Variants in GRIA4 observed in about 807,000 individuals in gnomAD.
GRIA4 encodes glutamate receptor 4.
A neutral mutation model predicts 104.0 loss-of-function variants in GRIA4; 34 were observed. The observed-to-expected ratio is 0.33, with a 90% CI of 0.25 to 0.44. The LOEUF (loss-of-function observed/expected upper bound fraction) is 0.44. Among genes scored for constraint, GRIA4 ranks in the 20% least tolerant of loss-of-function variants. GRIA4 has a pLI of 1.00. For missense variants in GRIA4, 750 were observed against 1,096.5 expected (o/e 0.68, Z 4.46); for synonymous variants, 386 against 381.9 (o/e 1.01, Z -0.13).
chr11:105,655,075 C>A (rs144821490), intron 3 of GRIA4, among the ~76,000 whole-genome samples: 2,377 of 152,200 alleles, frequency 0.016, 54 homozygotes, highest in African/African-American at 0.053. Flanking sequence ...GTGACTAAGG[C>A]AATATCCACA....
chr11:105,838,806 C>T (rs1944285032), intron 4 of GRIA4, among the ~76,000 whole-genome samples: 1 of 152,156 alleles, frequency 6.6e-6, no homozygotes, highest in African/African-American at 2.4e-5. Context: ...TGCTACCTCG[C>T]AAGTCAACTC....
intron 3 of GRIA4, among the ~76,000 whole-genome samples, chr11:105,677,510 A>T (rs898991805): frequency 2.0e-5 from 3 of 151,942 alleles, no homozygotes; most frequent in African/African-American, 7.2e-5. Context: ...GAAGGAATCT[A>T]TAAATTCAAA....
intron 3 of GRIA4, among the ~76,000 whole-genome samples, chr11:105,701,997 C>T (rs60472221): frequency 0.33 from 50,589 of 151,918 alleles, 9,609 homozygotes; most frequent in Non-Finnish European, 0.42. Flanking sequence ...TGCAGCGTTG[C>T]AATCATAGCT....
rs1262557053 is a variant in GRIA4 at position 105,933,706 on chromosome 11, T to C, written c.2047-16T>C. On this transcript the variant is annotated splice_polypyrimidine_tract_variant and intron_variant, in intron 13 of 16. Transcript: ENST00000282499. ...CCCTTCTTTCCTGTATTTAATTTTA[T>C]TTTAATTTCCTCCAGAGATCAAAAA... 10 of 1,521,624 alleles carry C rather than the reference T, an allele frequency of 6.6e-6. No individual in the cohort carries two copies. Among genetic ancestry groups the C allele is most frequent in the Admixed American group, 2.0e-5 (1 of 49,180 alleles). The allele number at this position is 1,521,624 out of a possible 1,614,324, so 94.3% of individuals were successfully genotyped here. A position where few individuals can be genotyped will look rare whatever the true frequency, so the allele number is the denominator to read the frequency against.
chr11:105,727,735 GA>G (rs1297069805), intron 3 of GRIA4, among the ~76,000 whole-genome samples: 1 of 152,070 alleles, frequency 6.6e-6, no homozygotes, highest in African/African-American at 2.4e-5. Context: ...CATTCCTAAA[GA>G]AAAAAATTTT....
intron 3 of GRIA4, among the ~76,000 whole-genome samples, chr11:105,653,658 G>A (rs745471713): frequency 6.6e-6 from 1 of 152,154 alleles, no homozygotes; most frequent in Non-Finnish European, 1.5e-5. Flanking sequence ...GTGAACGTGA[G>A]CGAGTGTTTT....
chr11:105,648,677 A>C (rs1423283255), intron 3 of GRIA4, among the ~76,000 whole-genome samples: 1 of 152,116 alleles, frequency 6.6e-6, no homozygotes, highest in African/African-American at 2.4e-5. Flanking sequence ...GAGAGGCTAA[A>C]AGGTAGAAAA....
chr11:105,864,033 G>A (rs1187852113), intron 5 of GRIA4, among the ~76,000 whole-genome samples: 1 of 151,968 alleles, frequency 6.6e-6, no homozygotes, highest in East Asian at 1.9e-4. Flanking sequence ...ATTCTAAAAG[G>A]TTTCTTTTCT....
intron 4 of GRIA4, among the ~76,000 whole-genome samples, chr11:105,775,671 T>C (rs1038756614): frequency 5.9e-5 from 9 of 151,984 alleles, no homozygotes; most frequent in Non-Finnish European, 1.3e-4. Context: ...ATATAAGCAG[T>C]CATTCCATAA....
intron 4 of GRIA4, among the ~76,000 whole-genome samples, chr11:105,830,392 T>A (rs1943931293): frequency 6.6e-6 from 1 of 152,020 alleles, no homozygotes; most frequent in African/African-American, 2.4e-5. Flanking sequence ...TAAAATTTAT[T>A]AAAGTTTATT....
intron 4 of GRIA4, among the ~76,000 whole-genome samples, chr11:105,844,015 C>T (rs1944485562): frequency 6.6e-6 from 1 of 152,170 alleles, no homozygotes; most frequent in African/African-American, 2.4e-5. Flanking sequence ...TGGTAACTGG[C>T]TCCTGCATCT....
At chr11:105,861,611 T>C (rs1945227784) in intron 4 of GRIA4, among the ~76,000 whole-genome samples, 1 of 152,184 alleles carries the variant, frequency 6.6e-6, no homozygotes, top group South Asian at 2.1e-4. Context: ...AAAAATGTTG[T>C]ACTACCTTGT....
At chr11:105,725,499 G>A (rs533316820) in intron 3 of GRIA4, among the ~76,000 whole-genome samples, 1 of 152,150 alleles carries the variant, frequency 6.6e-6, no homozygotes, top group South Asian at 2.1e-4. Flanking sequence ...TATAATCATA[G>A]GTGTCAGAAA....
chr11:105,761,300 T>C (rs1940637227), intron 4 of GRIA4, among the ~76,000 whole-genome samples: 1 of 152,144 alleles, frequency 6.6e-6, no homozygotes, highest in Non-Finnish European at 1.5e-5. Context: ...TTCTTTTGGC[T>C]CATATTTGTC....
Position 105,664,441 on chromosome 11 carries a change from ATG to A in GRIA4, c.247+52011_247+52012del, listed in dbSNP as rs1952105722. Among the ~76,000 whole-genome samples, 8 of 151,386 alleles carry A rather than the reference ATG, an allele frequency of 5.3e-5. 1 individual carries two copies. The East Asian group carries it at 1.4e-3, about 26-fold the overall frequency. The stretch of plus-strand genomic sequence containing the variant: ...CAAACAGACTTTGAAAATCAGAATA[ATG>A]TGTTTGATTTATATCCCAAATCGGG... On this transcript the variant is annotated intron_variant, in intron 3 of 16. Transcript: ENST00000282499.
At chr11:105,717,927 C>T (rs147881436) in intron 3 of GRIA4, among the ~76,000 whole-genome samples, 8,077 of 142,906 alleles carry the variant, frequency 0.057, 369 homozygotes, top group Admixed American at 0.14. Context: ...GAGTTCATGC[C>T]CTTTGTAGGG....
At chr11:105,677,994 C>T (rs1340395234) in intron 3 of GRIA4, among the ~76,000 whole-genome samples, 1 of 152,010 alleles carries the variant, frequency 6.6e-6, no homozygotes, top group African/African-American at 2.4e-5. Context: ...CCATGTCCAT[C>T]TTATCTCCCC....
chr11:105,964,661 A>C (rs187306874), intron 14 of GRIA4, among the ~76,000 whole-genome samples: 1 of 152,336 alleles, frequency 6.6e-6, no homozygotes, highest in Admixed American at 6.5e-5. Flanking sequence ...CCACTCCTTA[A>C]ATTTAACAGA....
intron 4 of GRIA4, among the ~76,000 whole-genome samples, chr11:105,809,571 A>G (rs1225682541): frequency 6.6e-6 from 1 of 152,032 alleles, no homozygotes; most frequent in Non-Finnish European, 1.5e-5. Context: ...AGTTTCCCCT[A>G]TGCTGTCGCG....
Sources: allele counts gnomAD v4.1 joint callset (sites outside exome capture counted in the v4.1 genomes callset), GRCh38; gene constraint gnomAD v4.1.1; transcripts MANE v1.5; gene names NCBI Gene and HGNC (gene_info 2026-07-23, HGNC 2026-07-21).